CNTN4: variants seen among roughly 807,000 people sequenced by gnomAD.
The protein encoded by CNTN4 is contactin 4, also known as contactin-4.
A neutral mutation model predicts 122.5 loss-of-function variants in CNTN4; 77 were observed. The ratio of observed to expected loss-of-function variants is 0.63; its 90% CI spans 0.52 to 0.76. The LOEUF (loss-of-function observed/expected upper bound fraction) is 0.76, where lower values mean the gene tolerates loss of function less well. CNTN4 is among the 30% of genes least tolerant of loss of function. The pLI is 0.00. For missense variants in CNTN4, 1,256 were observed against 1,259.1 expected, an observed-to-expected ratio of 1.00 and a Z score of 0.04; for synonymous variants, 512 against 447.0, an observed-to-expected ratio of 1.15 and a Z score of -1.83.
chr3:2,658,909 A>C (rs2083724056), intron 4 of CNTN4, among the ~76,000 whole-genome samples: 1 of 151,788 alleles, frequency 6.6e-6, no homozygotes, highest in Non-Finnish European at 1.5e-5. Flanking sequence ...AAGAATAAAT[A>C]CCTACTTGCA....
chr3:2,169,402 GATAAA>G (rs747210010), intron 2 of CNTN4, among the ~76,000 whole-genome samples: 7 of 152,028 alleles, frequency 4.6e-5, no homozygotes, highest in Non-Finnish European at 7.4e-5. Flanking sequence ...CATTAGGAAT[GATAAA>G]ATAAACTTTT....
intron 2 of CNTN4, among the ~76,000 whole-genome samples, chr3:2,174,397 T>C (rs1475703772): frequency 1.3e-5 from 2 of 152,140 alleles, no homozygotes; most frequent in Non-Finnish European, 2.9e-5. Flanking sequence ...TTCTCAAAAT[T>C]CTGGAGACTG....
At chr3:2,522,262 C>T (rs2077249260) in intron 3 of CNTN4, among the ~76,000 whole-genome samples, 3 of 151,216 alleles carry the variant, frequency 2.0e-5, no homozygotes, top group African/African-American at 7.3e-5. Flanking sequence ...TAGAAACATG[C>T]CTTTTTATGC....
intron 3 of CNTN4, among the ~76,000 whole-genome samples, chr3:2,512,384 A>AT (rs2076913173): frequency 6.6e-6 from 1 of 152,182 alleles, no homozygotes; most frequent in Admixed American, 6.5e-5. Flanking sequence ...ATCACTTTAA[A>AT]TTTGGTTCAT....
chr3:2,952,703 A>G (rs1373223553), intron 13 of CNTN4, among the ~76,000 whole-genome samples: 2 of 152,192 alleles, frequency 1.3e-5, no homozygotes, highest in Non-Finnish European at 2.9e-5. Context: ...CACTACAAAT[A>G]TTTATTACTT....
At chr3:2,777,832 A>G (rs2091389696) in intron 6 of CNTN4, among the ~76,000 whole-genome samples, 1 of 152,082 alleles carries the variant, frequency 6.6e-6, no homozygotes, top group African/African-American at 2.4e-5. Context: ...TAAAAGATAT[A>G]TTTCTCTTTT....
intron 3 of CNTN4, among the ~76,000 whole-genome samples, chr3:2,546,324 CAA>C (rs56849200): frequency 1.4e-4 from 20 of 138,100 alleles, no homozygotes; most frequent in Non-Finnish European, 1.6e-4. Flanking sequence ...ACTATGCAGC[CAA>C]AAAAAAAAAA....
At chr3:2,856,762 G>A (rs971803070) in intron 7 of CNTN4, among the ~76,000 whole-genome samples, 1 of 152,196 alleles carries the variant, frequency 6.6e-6, no homozygotes, top group Non-Finnish European at 1.5e-5. Flanking sequence ...CTCCCCAAGA[G>A]TATACATTAA....
At chr3:2,513,640 A>G (rs1232906021) in intron 3 of CNTN4, among the ~76,000 whole-genome samples, 1 of 152,180 alleles carries the variant, frequency 6.6e-6, no homozygotes, top group Non-Finnish European at 1.5e-5. Context: ...ATACCTTACA[A>G]TATTAAACAT....
chr3:2,736,821 C>G (rs550198856), intron 5 of CNTN4, among the ~76,000 whole-genome samples: 2 of 149,092 alleles, frequency 1.3e-5, no homozygotes, highest in African/African-American at 4.9e-5. Context: ...GAGACGGAGT[C>G]TCGCTCTGTC....
intron 12 of CNTN4, among the ~76,000 whole-genome samples, chr3:2,922,727 C>G (rs1172572456): frequency 6.7e-6 from 1 of 149,588 alleles, no homozygotes; most frequent in East Asian, 2.0e-4. Context: ...CTTCTTATGC[C>G]TCAGCCTCCC....
intron 2 of CNTN4, among the ~76,000 whole-genome samples, chr3:2,334,763 T>G (rs2043875872): frequency 6.6e-6 from 1 of 152,190 alleles, no homozygotes; most frequent in Admixed American, 6.5e-5. Context: ...CACTCTTTGG[T>G]CCCTCCTAAT....
At chr3:2,502,489 C>G (rs776604397) in intron 3 of CNTN4, among the ~76,000 whole-genome samples, 1 of 152,152 alleles carries the variant, frequency 6.6e-6, no homozygotes, top group Non-Finnish European at 1.5e-5. Context: ...TGTAGCCTGA[C>G]ACTAGAGCCA....
intron 13 of CNTN4, among the ~76,000 whole-genome samples, chr3:2,966,892 A>C (rs79532294): frequency 0.011 from 1,675 of 152,322 alleles, 26 homozygotes; most frequent in African/African-American, 0.037. Flanking sequence ...AGCTTTGACT[A>C]TATTGACTGG....
intron 4 of CNTN4, among the ~76,000 whole-genome samples, chr3:2,710,830 G>T (rs1328836714): frequency 2.6e-5 from 4 of 152,136 alleles, no homozygotes; most frequent in Non-Finnish European, 5.9e-5. Context: ...TTTGCTTGTG[G>T]CAAAGGCTTT....
chr3:2,921,960 C>G (rs1251292353), intron 12 of CNTN4, among the ~76,000 whole-genome samples: 1 of 152,112 alleles, frequency 6.6e-6, no homozygotes, highest in Non-Finnish European at 1.5e-5. Flanking sequence ...CATAGATAAT[C>G]TAATAAAGAT....
At chr3:2,748,669 A>G (rs927450317) in intron 6 of CNTN4, among the ~76,000 whole-genome samples, 8 of 152,210 alleles carry the variant, frequency 5.3e-5, no homozygotes. Flanking sequence ...TTTTTAAAGT[A>G]GTGAGAATCT....
chr3:2,797,616 C>T (rs1482350278), intron 6 of CNTN4, among the ~76,000 whole-genome samples: 6 of 152,090 alleles, frequency 3.9e-5, no homozygotes, highest in Admixed American at 3.9e-4. Context: ...AAAACAAAAA[C>T]AAAAGCAAAC....
At chr3:2,816,221 G>T (rs1208814379) in intron 6 of CNTN4, among the ~76,000 whole-genome samples, 1 of 147,800 alleles carries the variant, frequency 6.8e-6, no homozygotes, top group African/African-American at 2.7e-5. Context: ...GGGCGTGGTG[G>T]CGGGCGCCTG....
Sources: gnomAD v4.1 joint callset for allele counts (sites outside exome capture counted in the v4.1 genomes callset) on GRCh38, gnomAD v4.1.1 for gene constraint, MANE v1.5 for transcripts, NCBI Gene and HGNC (gene_info 2026-07-23, HGNC 2026-07-21) for gene names.